PRSS3: variants seen among roughly 807,000 people sequenced by gnomAD.
PRSS3 encodes the protein trypsin-3.
In PRSS3, 14 loss-of-function variants were observed where a neutral mutation model predicts 20.8. The observed-to-expected ratio is 0.67, with a 90% CI of 0.44 to 1.05. PRSS3 has a LOEUF of 1.05. Ranked by LOEUF, PRSS3 falls within the 50% of genes least tolerant of loss-of-function variation. The pLI, the probability that PRSS3 is intolerant of heterozygous loss-of-function variation, is 0.00. For synonymous variants in PRSS3, 91 were observed against 117.6 expected, an observed-to-expected ratio of 0.77 and a Z score of 1.46; for missense variants, 237 against 306.4, an observed-to-expected ratio of 0.77 and a Z score of 1.69.
intron 1 of PRSS3, among the ~76,000 whole-genome samples, chr9:33,771,320 T>C (rs912799481): frequency 4.1e-4 from 63 of 151,814 alleles, no homozygotes; most frequent in African/African-American, 1.4e-3. Flanking sequence ...TTTTCCTTTT[T>C]TTTTTTTTAT....
chr9:33,756,009 A>G (rs2118743742), intron 1 of PRSS3, among the ~76,000 whole-genome samples: 1 of 152,190 alleles, frequency 6.6e-6, no homozygotes, highest in East Asian at 1.9e-4. Context: ...GTACTTTCAT[A>G]CCCAATTATG....
rs771776635 is a variant in PRSS3 at position 33,799,109 on chromosome 9, A to G, written c.673A>G (p.Arg225Gly). 1.2e-6 allele frequency: 2 copies of G among 1,613,650 alleles called. No individual in the cohort carries two copies. Among genetic ancestry groups the G allele is most frequent in the South Asian group, 2.2e-5 (2 of 91,068 alleles). Reference sequence around the variant, plus strand: ...GGGCCATGGCTGTGCCTGGAAGAACAGGCCTGGAGTCTACACCAAGGTCTA... The same window carrying G: ...GGGCCATGGCTGTGCCTGGAAGAACGGGCCTGGAGTCTACACCAAGGTCTA... ...SWGHGCAWKN[R>G]PGVYTKVYNY... is the part of the protein sequence containing the mutation. The change falls in exon 5 of 5, where the codon AGG becomes GGG. Residue 225 changes from arginine to glycine, a missense_variant. By Grantham distance (125) the Arg-to-Gly change is moderately radical. Transcript: ENST00000379405.
chr9:33,754,321 C>T (rs1164684343), intron 1 of PRSS3, among the ~76,000 whole-genome samples: 2 of 151,824 alleles, frequency 1.3e-5, no homozygotes, highest in African/African-American at 2.4e-5. Context: ...CTGCCCCCCT[C>T]GGCCTCCCAA....
At chr9:33,776,790 A>G (rs370512053) in intron 1 of PRSS3, among the ~76,000 whole-genome samples, 13 of 152,314 alleles carry the variant, frequency 8.5e-5, no homozygotes, top group African/African-American at 2.9e-4. Context: ...AAAAAATATG[A>G]AAAAATTAAT....
Position 33,754,913 on chromosome 9 carries a change from C to T in PRSS3, c.-53+4186C>T, listed in dbSNP as rs548139726. ...TGAACATTGGGTAGGCAGCTAGCAG[C>T]ATCTGCCATAGTGTGTTTTATGAGT... On this transcript the variant is annotated intron_variant, in intron 1 of 5. Transcript: ENST00000342836. Among the ~76,000 whole-genome samples the T allele has an allele frequency of 1.1e-4, 17 of 152,286 alleles. No individual in the cohort carries two copies. The South Asian group carries it at 3.5e-3, about 32-fold the overall frequency.
chr9:33,766,489 C>G (rs1387467966), intron 1 of PRSS3, among the ~76,000 whole-genome samples: 1 of 152,004 alleles, frequency 6.6e-6, no homozygotes, highest in African/African-American at 2.4e-5. Flanking sequence ...AGGAGAATGG[C>G]GTGAACCGGG....
At position 33,787,994 on chromosome 9, in the gene PRSS3, T is replaced by G. The variant is rs145981612; in HGVS notation, c.-52-6752T>G. 3.9e-3 allele frequency among the ~76,000 whole-genome samples: 591 copies of G among 152,318 alleles called. 24 individuals are homozygous for G. The East Asian group carries it at 0.095, about 25-fold the overall frequency. ...GGGTGGATGAAATCTTGTCTGTGCCTTCCCTACTTGCACTGCCACTGGGGG... is the reference window on the plus strand; with the variant it reads ...GGGTGGATGAAATCTTGTCTGTGCCGTCCCTACTTGCACTGCCACTGGGGG... On this transcript the variant is annotated intron_variant, in intron 1 of 5. Coordinates refer to the PRSS3 transcript ENST00000342836.
upstream of PRSS3, chr9:33,793,566 C>G: frequency 1.8e-6 from 1 of 558,570 alleles, no homozygotes; most frequent in Non-Finnish European, 2.3e-6. Flanking sequence ...ATTCAATCAT[C>G]TATTTCTGCC....
intron 1 of PRSS3, among the ~76,000 whole-genome samples, chr9:33,759,207 G>T (rs989780254): frequency 6.6e-6 from 1 of 152,122 alleles, no homozygotes; most frequent in African/African-American, 2.4e-5. Flanking sequence ...CCACATTCAG[G>T]TATACACAAT....
intron 3 of PRSS3, 81 bp downstream of exon 3, chr9:33,798,163 C>G: frequency 1.9e-6 from 3 of 1,580,250 alleles, no homozygotes; most frequent in Non-Finnish European, 2.6e-6. Context: ...TTTGAATCCT[C>G]TTGCCTCCCG....
chr9:33,772,638 T>A (rs1048690374), intron 1 of PRSS3, among the ~76,000 whole-genome samples: 10 of 152,182 alleles, frequency 6.6e-5, no homozygotes, highest in African/African-American at 2.4e-4. Flanking sequence ...TGAAAAACCT[T>A]CTAGGACAGC....
intron 1 of PRSS3, among the ~76,000 whole-genome samples, chr9:33,757,710 T>C (rs62559234): frequency 0.32 from 48,011 of 152,002 alleles, 8,523 homozygotes; most frequent in East Asian, 0.56. Context: ...TCACCCAGAA[T>C]AGTGCCTTAT....
chr9:33,771,226 T>A (rs1823675270), intron 1 of PRSS3, among the ~76,000 whole-genome samples: 1 of 152,048 alleles, frequency 6.6e-6, no homozygotes, highest in South Asian at 2.1e-4. Context: ...CATGTTCTTC[T>A]CCCTTTAAGA....
In PRSS3 at chr9:33,763,631, G is replaced by A. The variant is rs369400699; in HGVS notation, c.-53+12904G>A. On this transcript the variant is annotated intron_variant, in intron 1 of 5. Coordinates refer to the PRSS3 transcript ENST00000342836. Reference sequence around the variant, plus strand: ...GGAGAATGGCGTGAACCCGGGAGGCGGAGCTTGCAGTGAGCAGAAATCGCG... The same window carrying A: ...GGAGAATGGCGTGAACCCGGGAGGCAGAGCTTGCAGTGAGCAGAAATCGCG... 7.2e-4 allele frequency among the ~76,000 whole-genome samples: 109 copies of A among 151,498 alleles called. 1 individual carries two copies. In the East Asian group the frequency reaches 0.016, roughly 22 times the overall value.
At chr9:33,792,779 T>G (rs1029332328), upstream of PRSS3, among the ~76,000 whole-genome samples, 10 of 152,236 alleles carry the variant, frequency 6.6e-5, no homozygotes, top group African/African-American at 1.2e-4. Context: ...ATGAGTTACA[T>G]GCTGTATAGT....
intron 1 of PRSS3, among the ~76,000 whole-genome samples, chr9:33,769,889 G>C (rs530628765): frequency 1.3e-5 from 2 of 152,344 alleles, no homozygotes; most frequent in African/African-American, 4.8e-5. Context: ...AATTGGGCTG[G>C]GCGCGGTGGC....
chr9:33,751,738 A>G (rs536665199), intron 1 of PRSS3, among the ~76,000 whole-genome samples: 7 of 152,244 alleles, frequency 4.6e-5, no homozygotes, highest in African/African-American at 1.4e-4. Flanking sequence ...CTTATTGTTC[A>G]TGAGAAACGT....
At chr9:33,798,109 T>C (rs571949867) in intron 3 of PRSS3, 27 bp downstream of exon 3, 1 of 1,614,236 alleles carries the variant, frequency 6.2e-7, no homozygotes, top group African/African-American at 1.3e-5. Flanking sequence ...GTCCTTCTAC[T>C]TCCCCCCATC....
intron 1 of PRSS3, among the ~76,000 whole-genome samples, chr9:33,763,453 A>C (rs1823290207): frequency 6.6e-6 from 1 of 151,990 alleles, no homozygotes; most frequent in South Asian, 2.1e-4. Flanking sequence ...TAATCCCAGC[A>C]CTTTGGGAGG....
Sources: allele counts gnomAD v4.1 joint callset (sites outside exome capture counted in the v4.1 genomes callset), GRCh38; gene constraint gnomAD v4.1.1; transcripts MANE v1.5; gene names NCBI Gene and HGNC (gene_info 2026-07-23, HGNC 2026-07-21).